DMD: variants seen among roughly 807,000 people sequenced by gnomAD.
DMD encodes dystrophin, also known as mutant dystrophin.
In DMD, 63 loss-of-function variants were observed where a neutral mutation model predicts 330.1. That is an observed-to-expected ratio of 0.19 (90% confidence interval 0.16 to 0.24). The LOEUF is 0.24. Ranked by LOEUF, DMD falls within the 10% of genes least tolerant of loss-of-function variation. The pLI is 1.00. For synonymous variants in DMD, 1,223 were observed against 959.8 expected, an observed-to-expected ratio of 1.27 and a Z score of -5.07; for missense variants, 3,344 against 2,684.1, an observed-to-expected ratio of 1.25 and a Z score of -5.43.
At chrX:31,675,708 C>G (rs941571760) in intron 53 of DMD, among the ~76,000 whole-genome samples, 5 of 110,987 alleles carry the variant, frequency 4.5e-5, no homozygotes, top group African/African-American at 1.6e-4. Context: ...TTCTAAATGT[C>G]AGACCAGCAA....
chrX:33,100,686 C>G (rs2095229450), intron 1 of DMD, among the ~76,000 whole-genome samples: 1 of 110,728 alleles, frequency 9.0e-6, no homozygotes, highest in African/African-American at 3.3e-5. Flanking sequence ...AGCAAAACTC[C>G]GTCTCAAAAA....
chrX:31,300,522 A>T (rs1039520010), intron 62 of DMD, among the ~76,000 whole-genome samples: 1 of 112,040 alleles, frequency 8.9e-6, no homozygotes, highest in Non-Finnish European at 1.9e-5. Flanking sequence ...ACTTGGGAAG[A>T]CAGCTGACAT....
intron 44 of DMD, among the ~76,000 whole-genome samples, chrX:32,118,887 C>T (rs1282506497): frequency 9.0e-6 from 1 of 110,798 alleles, no homozygotes; most frequent in Non-Finnish European, 1.9e-5. Context: ...CTAGATCCCT[C>T]GTGTGGACAG....
At chrX:33,095,657 A>C (rs2095147894) in intron 1 of DMD, among the ~76,000 whole-genome samples, 2 of 111,922 alleles carry the variant, frequency 1.8e-5, no homozygotes, top group African/African-American at 6.5e-5. Context: ...CACTACCTCC[A>C]GAATATAAAC....
chrX:32,828,740 C>A (rs776831721), intron 4 of DMD, among the ~76,000 whole-genome samples: 18 of 110,507 alleles, frequency 1.6e-4, no homozygotes, highest in African/African-American at 5.6e-4. Flanking sequence ...TTTAGAATTA[C>A]ATATTTTAAC....
At chrX:32,955,747 T>C (rs1261843498) in intron 2 of DMD, among the ~76,000 whole-genome samples, 1 of 112,127 alleles carries the variant, frequency 8.9e-6, no homozygotes, top group Non-Finnish European at 1.9e-5. Flanking sequence ...GTTTCTATCT[T>C]CTGCATGTGG....
chrX:32,525,283 C>A (rs1367823397), intron 17 of DMD, among the ~76,000 whole-genome samples: 2 of 111,889 alleles, frequency 1.8e-5, no homozygotes, highest in African/African-American at 6.5e-5. Context: ...TAACATGTAC[C>A]ACCATCTCTT....
chrX:33,097,531 G>A (rs1434544921), intron 1 of DMD, among the ~76,000 whole-genome samples: 1 of 108,562 alleles, frequency 9.2e-6, no homozygotes, highest in African/African-American at 3.3e-5. Flanking sequence ...AGTTATTAAT[G>A]ATTTAAAATT....
intron 1 of DMD, among the ~76,000 whole-genome samples, chrX:33,063,412 C>A (rs972065095): frequency 8.9e-6 from 1 of 111,747 alleles, no homozygotes; most frequent in African/African-American, 3.3e-5. Context: ...TGGAAAAATT[C>A]ACTAAATCCC....
At chrX:32,103,392 A>G (rs2096549072) in intron 44 of DMD, among the ~76,000 whole-genome samples, 1 of 111,722 alleles carries the variant, frequency 9.0e-6, no homozygotes, top group African/African-American at 3.3e-5. Flanking sequence ...CTAAGAGAAG[A>G]ATCTTTCTTC....
rs747448619 is a variant in DMD, at chrX:33,289,206, C to T, written c.7+50053G>A. Among the ~76,000 whole-genome samples, 3 of 110,492 alleles carry T rather than the reference C, an allele frequency of 2.7e-5. No individual in the cohort carries two copies. The East Asian group carries it at 8.6e-4, about 32-fold the overall frequency. ...CTGAGCCCTAGATGCTCTTTTTTTC[C>T]TTTGAAAACCATTATTTTCAAAGGA... On this transcript the variant is annotated intron_variant, in intron 1 of 17. Transcript: ENST00000288447.
At chrX:32,536,264 CAAAAAAAA>C (rs1191335690) in intron 17 of DMD, among the ~76,000 whole-genome samples, 21 of 36,361 alleles carry the variant, frequency 5.8e-4, no homozygotes, top group African/African-American at 2.4e-3. Context: ...ACTCCGTCTC[CAAAAAAAA>C]AAAAAAAAAA....
intron 51 of DMD, among the ~76,000 whole-genome samples, chrX:31,767,128 A>T (rs2090052148): frequency 8.9e-6 from 1 of 112,052 alleles, no homozygotes; most frequent in East Asian, 2.8e-4. Flanking sequence ...TTGGAAGATA[A>T]TTAAAGCACA....
chrX:32,166,828 A>G (rs2096870194), intron 44 of DMD, among the ~76,000 whole-genome samples: 1 of 112,342 alleles, frequency 8.9e-6, no homozygotes, highest in Admixed American at 9.5e-5. Flanking sequence ...GGAAGGAAAA[A>G]GAAAACTTGC....
At position 31,562,732 on chromosome X, in the gene DMD, T is replaced by C. The variant is rs1018616964; in HGVS notation, c.8218-55279A>G. Among the ~76,000 whole-genome samples, 3 of 112,310 alleles carry C rather than the reference T, an allele frequency of 2.7e-5. No homozygotes were observed. In the East Asian group the frequency reaches 8.4e-4, roughly 31 times the overall value. ...ATCTCTTTATGTCACATGTTGCGAA[T>C]ACATCTACTCTATTTGCTGTTTTTC... On this transcript the variant is annotated intron_variant, in intron 55 of 78. Transcript: ENST00000357033.
chrX:31,576,307 A>AT (rs1189096306), intron 55 of DMD, among the ~76,000 whole-genome samples: 1 of 112,125 alleles, frequency 8.9e-6, no homozygotes, highest in Non-Finnish European at 1.9e-5. Context: ...AGCGGTTTTA[A>AT]TATCATTCAA....
At chrX:31,433,298 T>C (rs765001583) in intron 60 of DMD, among the ~76,000 whole-genome samples, 2 of 111,765 alleles carry the variant, frequency 1.8e-5, no homozygotes, top group Non-Finnish European at 3.8e-5. Context: ...CAATCCACCA[T>C]TGATGGGCAC....
At chrX:32,586,595 T>A (rs1398714802) in intron 13 of DMD, among the ~76,000 whole-genome samples, 1 of 110,321 alleles carries the variant, frequency 9.1e-6, no homozygotes. Flanking sequence ...CAGGTACGAA[T>A]ACATTACTGT....
At chrX:33,227,646 G>C (rs1306043547) in intron 1 of DMD, among the ~76,000 whole-genome samples, 1 of 110,935 alleles carries the variant, frequency 9.0e-6, no homozygotes, top group South Asian at 3.7e-4. Context: ...CTGGAAAGGA[G>C]AGAAGCTTTG....
Sources: allele counts gnomAD v4.1 joint callset (sites outside exome capture counted in the v4.1 genomes callset), GRCh38; gene constraint gnomAD v4.1.1; transcripts MANE v1.5; gene names NCBI Gene and HGNC (gene_info 2026-07-23, HGNC 2026-07-21).